Variants in CHL1 observed in about 807,000 individuals in gnomAD.
CHL1 encodes the protein neural cell adhesion molecule L1-like protein.
CHL1 carries 96 observed loss-of-function variants against 141.9 expected under a neutral mutation model. That is an observed-to-expected ratio of 0.68 (90% CI 0.57 to 0.80). The LOEUF is 0.80. CHL1 is among the 30% of genes least tolerant of loss of function. CHL1 has a pLI of 0.00. For missense variants in CHL1, 1,820 were observed against 1,457.2 expected (o/e 1.25, Z -4.05); for synonymous variants, 613 against 502.2 (o/e 1.22, Z -2.95).
intron 2 of CHL1, among the ~76,000 whole-genome samples, chr3:251,951 T>C (rs972519888): frequency 1.3e-5 from 2 of 152,004 alleles, no homozygotes; most frequent in Non-Finnish European, 2.9e-5. Flanking sequence ...ACAAATTCAG[T>C]TTTTCAACTA....
At position 368,407 on chromosome 3, in the gene CHL1, T is replaced by C. The variant is rs562204388; in HGVS notation, c.1751+2292T>C. Among the ~76,000 whole-genome samples, 15 of 152,344 alleles carry C rather than the reference T, an allele frequency of 9.8e-5. No individual in the cohort carries two copies. The South Asian group carries it at 3.1e-3, about 32-fold the overall frequency. Reference sequence around the variant, plus strand: ...CATGTAAATGTCTTCTTTTGAGAAGTGTCTGTTCATATCCTTTGCCCATGT... The same window carrying C: ...CATGTAAATGTCTTCTTTTGAGAAGCGTCTGTTCATATCCTTTGCCCATGT... On this transcript the variant is annotated intron_variant, in intron 15 of 27. Coordinates refer to ENST00000256509, the MANE Select transcript of CHL1 (RefSeq NM_006614.4).
intron 1 of CHL1, among the ~76,000 whole-genome samples, chr3:241,036 T>C (rs1350466666): frequency 6.6e-6 from 1 of 152,196 alleles, no homozygotes; most frequent in Non-Finnish European, 1.5e-5. Context: ...TTTATTATGG[T>C]GCCAGGCAGT....
intron 2 of CHL1, 67 bp from the exon 3 acceptor site, chr3:319,613 AGGT>A: frequency 2.2e-5 from 11 of 492,074 alleles, no homozygotes; most frequent in South Asian, 1.1e-4. Flanking sequence ...AAAAAAAAGA[AGGT>A]ATTTAATTTG....
rs907576100 is a variant in CHL1, at chr3:258,977, A to G, written c.-95+14285A>G. ...CTGAGACATTCTCCCTTTGTCACCC[A>G]GGCTGGAGTGCAGTGGCTTGATCAC... On this transcript the variant is annotated intron_variant, in intron 2 of 27. Coordinates refer to ENST00000256509, the MANE Select transcript of CHL1 (RefSeq NM_006614.4). 2.9e-5 allele frequency among the ~76,000 whole-genome samples: 4 copies of G among 137,984 alleles called. No homozygotes were observed. The East Asian group carries it at 8.9e-4, about 31-fold the overall frequency. The allele number at this position is 137,984 out of a possible 152,430, so 90.5% of individuals were successfully genotyped here. A position where few individuals can be genotyped will look rare whatever the true frequency, so the allele number is the denominator to read the frequency against.
intron 5 of CHL1, among the ~76,000 whole-genome samples, chr3:331,575 T>C (rs1188177780): frequency 6.6e-6 from 1 of 152,062 alleles, no homozygotes; most frequent in African/African-American, 2.4e-5. Context: ...TAAAGCCTCA[T>C]GAAGGAAATC....
chr3:322,645 AAT>A (rs4002786), intron 3 of CHL1, among the ~76,000 whole-genome samples: 21,304 of 129,920 alleles, frequency 0.16, 2,126 homozygotes, highest in African/African-American at 0.28. Context: ...ATATATATAA[AAT>A]ATATATATAT....
intron 10 of CHL1, among the ~76,000 whole-genome samples, chr3:352,135 T>A (rs903692810): frequency 2.0e-5 from 3 of 152,164 alleles, no homozygotes; most frequent in African/African-American, 7.2e-5. Context: ...TTTTGCATTT[T>A]CAAAGGTTGT....
chr3:363,603 C>T (rs986101532), intron 14 of CHL1: 7 of 412,128 alleles, frequency 1.7e-5, no homozygotes, highest in African/African-American at 1.2e-4. Context: ...TAAGAGGCAG[C>T]CAGGTGTCTG....
chr3:395,974 C>T (rs1396457563), intron 24 of CHL1, among the ~76,000 whole-genome samples: 1 of 152,150 alleles, frequency 6.6e-6, no homozygotes, highest in East Asian at 1.9e-4. Context: ...AATGGTTATG[C>T]TCTGACCTTT....
At position 319,670 on chromosome 3, in the gene CHL1, T is replaced by C. The variant is rs957734261; in HGVS notation, c.-94-13T>C. 1.5e-6 allele frequency: 1 copy of C among 649,356 alleles called. No individual in the cohort carries two copies. The highest frequency in any genetic ancestry group is 1.8e-5 in the South Asian group (1 of 56,604). The allele number at this position is 649,356 out of a possible 1,614,324, so 40.2% of individuals were successfully genotyped here. A position where few individuals can be genotyped will look rare whatever the true frequency, so the allele number is the denominator to read the frequency against. ...GTTTGTGAACTAACATGTTATTCTG[T>C]TTGTGTTTTTAGTTTCCAGGTTAAC... is the stretch of plus-strand genomic sequence containing the variant. On this transcript the variant is annotated splice_polypyrimidine_tract_variant and intron_variant, in intron 2 of 27. Transcript: ENST00000256509.
intron 2 of CHL1, among the ~76,000 whole-genome samples, chr3:313,327 G>A (rs1354480284): frequency 6.6e-6 from 1 of 152,140 alleles, no homozygotes; most frequent in Non-Finnish European, 1.5e-5. Flanking sequence ...AAAATAAAAT[G>A]TGCTATGTCA....
At chr3:272,718 TA>T (rs1329248010) in intron 2 of CHL1, among the ~76,000 whole-genome samples, 1 of 152,224 alleles carries the variant, frequency 6.6e-6, no homozygotes, top group Non-Finnish European at 1.5e-5. Flanking sequence ...ACGTATTTTG[TA>T]TTGAAAATTC....
At position 333,204 on chromosome 3, in the gene CHL1, C is replaced by T. The variant is rs185545984; in HGVS notation, c.385+4850C>T. On this transcript the variant is annotated intron_variant, in intron 5 of 27. Transcript: ENST00000256509. ...GTTTCTTATGCATCATTTCCAGCCT[C>T]TCCTGAAATTACTTCATCATCTGAC... 5.9e-4 allele frequency among the ~76,000 whole-genome samples: 80 copies of T among 136,382 alleles called. 2 individuals are homozygous for T. In the East Asian group the frequency reaches 0.015, roughly 26 times the overall value. 89.5% of individuals were successfully genotyped at this position (136,382 alleles called of 152,430 possible).
chr3:349,598 A>G, intron 10 of CHL1, 55 bp downstream of exon 10: 10 of 1,430,558 alleles, frequency 7.0e-6, no homozygotes, highest in Non-Finnish European at 9.7e-6. Flanking sequence ...AACTGTATAC[A>G]TGTAGTAGGC....
chr3:294,765 C>G (rs571736028), intron 2 of CHL1, among the ~76,000 whole-genome samples: 7 of 152,094 alleles, frequency 4.6e-5, no homozygotes, highest in Non-Finnish European at 1.0e-4. Flanking sequence ...GGGTAGAATA[C>G]CTCTTGACCT....
chr3:211,789 TG>T (rs1201353115), intron 1 of CHL1, among the ~76,000 whole-genome samples: 16 of 152,240 alleles, frequency 1.1e-4, no homozygotes, highest in African/African-American at 3.9e-4. Flanking sequence ...AATTTAGTTC[TG>T]TATTGGTAAT....
chr3:362,777 A>C (rs569897175), intron 13 of CHL1, among the ~76,000 whole-genome samples: 2 of 152,148 alleles, frequency 1.3e-5, no homozygotes, highest in Admixed American at 6.6e-5. Context: ...GACAGGCAAG[A>C]CTCCCCAGCT....
At chr3:272,075 T>C (rs1695680035) in intron 2 of CHL1, among the ~76,000 whole-genome samples, 1 of 152,236 alleles carries the variant, frequency 6.6e-6, no homozygotes, top group African/African-American at 2.4e-5. Context: ...CTATTATAAA[T>C]AACATTCATA....
intron 2 of CHL1, among the ~76,000 whole-genome samples, chr3:297,566 T>C (rs1199242732): frequency 6.6e-6 from 1 of 152,192 alleles, no homozygotes; most frequent in Non-Finnish European, 1.5e-5. Flanking sequence ...GTATACAACA[T>C]ATTATATTTT....
Sources: gnomAD v4.1 joint callset for allele counts (sites outside exome capture counted in the v4.1 genomes callset) on GRCh38, gnomAD v4.1.1 for gene constraint, MANE v1.5 for transcripts, NCBI Gene and HGNC (gene_info 2026-07-23, HGNC 2026-07-21) for gene names.